The following YES1 variants were observed in gnomAD, a reference collection of about 807,000 sequenced individuals.
YES1 encodes the protein YES proto-oncogene 1, Src family tyrosine kinase.
A neutral mutation model predicts 70.4 loss-of-function variants in YES1; 39 were observed. That is an observed-to-expected ratio of 0.55 (90% CI 0.43 to 0.72). The LOEUF is 0.72. Ranked by LOEUF, YES1 falls within the 30% of genes least tolerant of loss-of-function variation. The pLI, the probability that YES1 is intolerant of heterozygous loss-of-function variation, is 0.00. For synonymous variants in YES1, 198 were observed against 218.6 expected (o/e 0.91, Z 0.83); for missense variants, 495 against 644.8 (o/e 0.77, Z 2.52).
At chr18:728,411 CACAAA>C (rs977402221) in intron 11 of YES1, among the ~76,000 whole-genome samples, 7 of 152,070 alleles carry the variant, frequency 4.6e-5, no homozygotes, top group Non-Finnish European at 7.4e-5. Flanking sequence ...TAATTTTCTG[CACAAA>C]ACAAAATTTT....
chr18:770,840 T>C (rs1236039074), intron 1 of YES1, among the ~76,000 whole-genome samples: 2 of 152,100 alleles, frequency 1.3e-5, no homozygotes, highest in African/African-American at 4.8e-5. Context: ...AACTCCATCA[T>C]GGTCACTTGA....
chr18:810,404 A>G (rs1907314006), intron 1 of YES1, among the ~76,000 whole-genome samples: 1 of 152,218 alleles, frequency 6.6e-6, no homozygotes, highest in South Asian at 2.1e-4. Flanking sequence ...TACTTCGACC[A>G]CAAGACAAAT....
chr18:772,324 C>T (rs553029919), intron 1 of YES1, among the ~76,000 whole-genome samples: 33 of 152,130 alleles, frequency 2.2e-4, no homozygotes, highest in Admixed American at 1.6e-3. Flanking sequence ...CCACCGCACC[C>T]GGCCTGCATG....
rs2080344990 is a variant in YES1 at position 751,632 on chromosome 18, C to A, written c.371+73G>T. The A allele has an allele frequency of 3.9e-6, 4 of 1,014,878 alleles. No individual in the cohort carries two copies. In the African/African-American group the frequency reaches 6.4e-5, roughly 16 times the overall value. The allele number at this position is 1,014,878 out of a possible 1,614,324, so 62.9% of individuals were successfully genotyped here. ...ACCTCTCTCATCTCTGGATCATCAACCAGCTCAGTGGTTCCTGTGTAAAGA... is the reference window on the plus strand; with the variant it reads ...ACCTCTCTCATCTCTGGATCATCAAACAGCTCAGTGGTTCCTGTGTAAAGA... On this transcript the variant is annotated intron_variant, in intron 3 of 11. Coordinates refer to ENST00000314574, the MANE Select transcript of YES1 (RefSeq NM_005433.4).
chr18:804,461 T>G (rs892637099), intron 1 of YES1, among the ~76,000 whole-genome samples: 2 of 150,616 alleles, frequency 1.3e-5, no homozygotes, highest in African/African-American at 4.9e-5. Context: ...ATAAGAAAAT[T>G]AGCTGGGTGT....
chr18:796,490 C>A (rs1456106295), intron 1 of YES1, among the ~76,000 whole-genome samples: 1 of 152,156 alleles, frequency 6.6e-6, no homozygotes, highest in Non-Finnish European at 1.5e-5. Context: ...AACAATTAGG[C>A]CGGGTGCAGT....
intron 11 of YES1, among the ~76,000 whole-genome samples, chr18:725,833 G>A (rs150591052): frequency 0.016 from 2,410 of 152,226 alleles, 65 homozygotes; most frequent in African/African-American, 0.055. Context: ...GCAGTGAGCC[G>A]AGATTGCGCC....
chr18:801,963 A>C (rs1906848296), intron 1 of YES1, among the ~76,000 whole-genome samples: 1 of 152,210 alleles, frequency 6.6e-6, no homozygotes, highest in Admixed American at 6.5e-5. Flanking sequence ...ACAAACCCCA[A>C]CTTACAAAAA....
chr18:787,798 T>C (rs1906042869), intron 1 of YES1: 1 of 152,162 alleles, frequency 6.6e-6, no homozygotes. Context: ...TGATCAAAAA[T>C]TAATGTTTGA....
chr18:800,896 C>T (rs904507944), intron 1 of YES1, among the ~76,000 whole-genome samples: 1 of 152,084 alleles, frequency 6.6e-6, no homozygotes, highest in Non-Finnish European at 1.5e-5. Flanking sequence ...GACTGTAATC[C>T]CAGCACTTTG....
At chr18:792,383 A>G (rs1568216785) in intron 1 of YES1, among the ~76,000 whole-genome samples, 1 of 151,982 alleles carries the variant, frequency 6.6e-6, no homozygotes, top group Non-Finnish European at 1.5e-5. Flanking sequence ...TAAAAAATAA[A>G]GAAGTCAGGT....
chr18:772,859 C>T (rs1905219384), intron 1 of YES1, among the ~76,000 whole-genome samples: 1 of 152,220 alleles, frequency 6.6e-6, no homozygotes, highest in African/African-American at 2.4e-5. Flanking sequence ...GCTCCAGGTT[C>T]CCTCTATCTT....
intron 1 of YES1, chr18:797,887 G>C (rs951274490): frequency 2.0e-5 from 3 of 152,114 alleles, no homozygotes; most frequent in African/African-American, 7.2e-5. Context: ...TCTAGACCTA[G>C]AGACATGAAC....
intron 1 of YES1, chr18:775,286 TAA>T (rs1353878433): frequency 6.6e-6 from 1 of 152,064 alleles, no homozygotes; most frequent in Admixed American, 6.6e-5. Flanking sequence ...TGGGCAAATT[TAA>T]AAAAAGTTAT....
intron 1 of YES1, among the ~76,000 whole-genome samples, chr18:768,907 T>C (rs900344980): frequency 6.6e-6 from 1 of 152,136 alleles, no homozygotes; most frequent in Non-Finnish European, 1.5e-5. Flanking sequence ...TTCCCCATGT[T>C]GGCTGGGCTG....
At chr18:789,498 A>G (rs1411315929) in intron 1 of YES1, among the ~76,000 whole-genome samples, 1 of 152,090 alleles carries the variant, frequency 6.6e-6, no homozygotes, top group Non-Finnish European at 1.5e-5. Flanking sequence ...TAGGAGGATC[A>G]CTTGAGCTCA....
rs35743931 is a variant in YES1, at chr18:776,198, CT to C, written c.-8-19364del. 2.8e-3 allele frequency among the ~76,000 whole-genome samples: 406 copies of C among 146,198 alleles called. 2 individuals are homozygous for C. The East Asian group carries it at 0.031, about 11-fold the overall frequency. On this transcript the variant is annotated intron_variant, in intron 1 of 11. Coordinates refer to ENST00000314574, the MANE Select transcript of YES1 (RefSeq NM_005433.4). ...ATCATCAATACTTGGTATACTCGATCTTTTTTTTTTTTTGAGATGGAGTCTC... is the reference window on the plus strand; with the variant it reads ...ATCATCAATACTTGGTATACTCGATCTTTTTTTTTTTTGAGATGGAGTCTC...
intron 1 of YES1, among the ~76,000 whole-genome samples, chr18:787,057 T>TA (rs1905987788): frequency 6.7e-6 from 1 of 149,312 alleles, no homozygotes; most frequent in Non-Finnish European, 1.5e-5. Context: ...TTATGTTTTT[T>TA]AAAAAACTGT....
chr18:768,318 G>A (rs930477903), intron 1 of YES1, among the ~76,000 whole-genome samples: 2 of 152,192 alleles, frequency 1.3e-5, no homozygotes, highest in Non-Finnish European at 2.9e-5. Context: ...AAAAATGCCT[G>A]CTGGGATTCT....
Sources: gnomAD v4.1 joint callset for allele counts (sites outside exome capture counted in the v4.1 genomes callset) on GRCh38, gnomAD v4.1.1 for gene constraint, MANE v1.5 for transcripts, NCBI Gene and HGNC (gene_info 2026-07-23, HGNC 2026-07-21) for gene names.